Variants in DNAH14 observed in about 807,000 individuals in gnomAD.
DNAH14 encodes the protein dynein axonemal heavy chain 14, also known as axonemal beta dynein heavy chain 14.
DNAH14 carries 478 observed loss-of-function variants against 520.9 expected under a neutral mutation model. That is an observed-to-expected ratio of 0.92 (90% CI 0.85 to 0.99). DNAH14 has a LOEUF of 0.99. Ranked by LOEUF, DNAH14 falls within the 50% of genes least tolerant of loss-of-function variation. The probability of loss-of-function intolerance (pLI) is 0.00; values close to 1 mark genes in which losing one functional copy is unlikely to be tolerated. For missense variants in DNAH14, 4,831 were observed against 5,234.5 expected (o/e 0.92, Z 2.38); for synonymous variants, 1,581 against 1,757.2 (o/e 0.90, Z 2.51).
chr1:225,385,764 T>C (rs2095834384), intron 81 of DNAH14, among the ~76,000 whole-genome samples: 1 of 152,226 alleles, frequency 6.6e-6, no homozygotes, highest in African/African-American at 2.4e-5. Flanking sequence ...TCCATGCTCA[T>C]GGATACGAAG....
chr1:225,340,269 T>C lies in DNAH14; in HGVS notation c.10434-188T>C, dbSNP rs1230610127. On this transcript the variant is annotated intron_variant, in intron 68 of 85. Transcript: ENST00000682510. The stretch of plus-strand genomic sequence containing the variant: ...AGTATGTACACAGTCTGTGGTTGTA[T>C]TTTTTTAAGACTTCAATGCAAATGT... Among the ~76,000 whole-genome samples the C allele has an allele frequency of 2.0e-5, 3 of 152,282 alleles. No individual in the cohort carries two copies. In the East Asian group the frequency reaches 5.8e-4, roughly 29 times the overall value.
At chr1:225,366,490 T>C (rs2095554756) in intron 76 of DNAH14, among the ~76,000 whole-genome samples, 2 of 152,182 alleles carry the variant, frequency 1.3e-5, no homozygotes, top group African/African-American at 4.8e-5. Context: ...TTTAGAGATA[T>C]GAGAATGAGT....
intron 8 of DNAH14, among the ~76,000 whole-genome samples, chr1:224,975,907 G>T (rs1043601999): frequency 1.3e-5 from 2 of 151,996 alleles, no homozygotes; most frequent in African/African-American, 4.8e-5. Context: ...ATGTGTCCCA[G>T]AGATTCTGGT....
chr1:225,391,735 G>A (rs1436875244), intron 83 of DNAH14, among the ~76,000 whole-genome samples: 2 of 151,960 alleles, frequency 1.3e-5, no homozygotes, highest in African/African-American at 2.4e-5. Flanking sequence ...AGGCTGATGG[G>A]GATCATAATG....
At chr1:225,202,632 A>T (rs12406388) in intron 38 of DNAH14, among the ~76,000 whole-genome samples, 1 of 152,098 alleles carries the variant, frequency 6.6e-6, no homozygotes, top group Admixed American at 6.6e-5. Context: ...TGCAAAAGCA[A>T]GTAGGGCTTT....
chr1:225,321,963 C>T (rs1434709358), intron 61 of DNAH14, among the ~76,000 whole-genome samples: 6 of 151,786 alleles, frequency 4.0e-5, no homozygotes, highest in African/African-American at 7.3e-5. Flanking sequence ...TGACTCCCAA[C>T]GCATACACAT....
At position 224,968,868 on chromosome 1, in the gene DNAH14, A is replaced by G; in HGVS notation, c.761A>G (p.Asp254Gly). 1 of 1,537,300 alleles carries G rather than the reference A, an allele frequency of 6.5e-7. No homozygotes were observed. Among genetic ancestry groups the G allele is most frequent in the Non-Finnish European group, 8.8e-7 (1 of 1,141,116 alleles). Residue 254 changes from aspartate to glycine, a missense_variant, in exon 7 of 86, where the codon GAT becomes GGT. Coordinates refer to ENST00000682510, the MANE Select transcript of DNAH14 (RefSeq NM_001367479.1). ...TTACGGCAATTCAAGATATTTTCTG[A>G]TTTCCGGTGAGGTGAAAAAAATGAA... ...YLLRQFKIFS[D>G]FRMNKAFVTW...
At chr1:224,944,773 A>T (rs1050479901) in intron 1 of DNAH14, among the ~76,000 whole-genome samples, 1 of 152,180 alleles carries the variant, frequency 6.6e-6, no homozygotes, top group African/African-American at 2.4e-5. Flanking sequence ...GCTGGATATG[A>T]AATTCTGGGT....
At chr1:225,054,910 T>A (rs2148342881) in intron 17 of DNAH14, among the ~76,000 whole-genome samples, 1 of 152,288 alleles carries the variant, frequency 6.6e-6, no homozygotes, top group South Asian at 2.1e-4. Context: ...ATAATTATCT[T>A]TTAAAAAGAG....
intron 55 of DNAH14, among the ~76,000 whole-genome samples, chr1:225,292,553 TTTTGCTCAGAATTGC>T (rs1211251271): frequency 1.3e-5 from 2 of 152,180 alleles, no homozygotes; most frequent in African/African-American, 4.8e-5. Flanking sequence ...ATTTTGTTCT[TTTTGCTCAGAATTGC>T]TTTGGATTTT....
intron 15 of DNAH14, 46 bp from the exon 16 acceptor site, chr1:225,050,164 T>C: frequency 1.4e-6 from 2 of 1,478,042 alleles, no homozygotes; most frequent in Non-Finnish European, 1.8e-6. Flanking sequence ...AAGTGTTGCT[T>C]TCAATGGCAT....
At chr1:225,168,911 G>A (rs2082314986) in intron 36 of DNAH14, among the ~76,000 whole-genome samples, 1 of 152,194 alleles carries the variant, frequency 6.6e-6, no homozygotes, top group Non-Finnish European at 1.5e-5. Context: ...AGTAGGGGCA[G>A]ACTGACACCT....
At chr1:225,116,293 A>G (rs1334126851) in intron 23 of DNAH14, among the ~76,000 whole-genome samples, 3 of 152,170 alleles carry the variant, frequency 2.0e-5, no homozygotes, top group Admixed American at 1.3e-4. Flanking sequence ...TAAATAAGAG[A>G]GTGAAATAAT....
intron 60 of DNAH14, among the ~76,000 whole-genome samples, chr1:225,311,175 G>C (rs1318366231): frequency 1.3e-5 from 2 of 152,090 alleles, no homozygotes; most frequent in African/African-American, 2.4e-5. Context: ...TTGTGGTTTT[G>C]ATTTGTATTT....
chr1:225,370,836 T>G (rs1289039246), intron 77 of DNAH14, among the ~76,000 whole-genome samples: 1 of 152,170 alleles, frequency 6.6e-6, no homozygotes, highest in Non-Finnish European at 1.5e-5. Context: ...ATTCTTTTCA[T>G]ATATTTTTTA....
At chr1:225,067,944 T>C (rs1480798512) in intron 17 of DNAH14, among the ~76,000 whole-genome samples, 1 of 152,188 alleles carries the variant, frequency 6.6e-6, no homozygotes, top group Non-Finnish European at 1.5e-5. Flanking sequence ...AGAAGCTCTT[T>C]AGTTTAATTA....
chr1:225,399,119 A>G lies in DNAH14; in HGVS notation c.13704A>G (p.Pro4568=), dbSNP rs2096064977. The change falls in exon 86 of 86, where the codon CCA becomes CCG. Residue 4568 remains proline (P), a synonymous_variant. Coordinates refer to ENST00000682510, the MANE Select transcript of DNAH14 (RefSeq NM_001367479.1). ...CAGAACTCTATGCTTTTGAATGCCC[A>G]GTTTACCAGACACCTGAGAGGTCAA... ...TDSELYAFEC[P]VYQTPERSRI... is the part of the protein sequence containing the mutation. The G allele has an allele frequency of 6.4e-7, 1 of 1,551,796 alleles. No homozygotes were observed. The highest frequency in any genetic ancestry group is 8.7e-7 in the Non-Finnish European group (1 of 1,147,076).
chr1:225,058,408 G>A (rs960540850), intron 17 of DNAH14, among the ~76,000 whole-genome samples: 3 of 152,062 alleles, frequency 2.0e-5, no homozygotes, highest in African/African-American at 7.2e-5. Flanking sequence ...GCGTCTATTT[G>A]ATTCTTCTCT....
At chr1:225,225,763 G>A (rs1228386356) in intron 41 of DNAH14, among the ~76,000 whole-genome samples, 1 of 152,166 alleles carries the variant, frequency 6.6e-6, no homozygotes, top group Non-Finnish European at 1.5e-5. Flanking sequence ...TGGTCCAAAT[G>A]AGTTGCTAAC....
Sources: allele counts gnomAD v4.1 joint callset (sites outside exome capture counted in the v4.1 genomes callset), GRCh38; gene constraint gnomAD v4.1.1; transcripts MANE v1.5; gene names NCBI Gene and HGNC (gene_info 2026-07-23, HGNC 2026-07-21).